ZNF385D: variants seen among roughly 807,000 people sequenced by gnomAD.
ZNF385D encodes the protein zinc finger protein 385D.
In ZNF385D, 15 loss-of-function variants were observed where a neutral mutation model predicts 35.8. That is an observed-to-expected ratio of 0.42 (90% CI 0.28 to 0.64). The LOEUF is 0.64. Ranked by LOEUF, ZNF385D falls within the 30% of genes least tolerant of loss-of-function variation. ZNF385D has a pLI of 0.23. For missense variants in ZNF385D, 474 were observed against 494.6 expected (o/e 0.96, Z 0.39); for synonymous variants, 212 against 186.8 (o/e 1.13, Z -1.10).
intron 3 of ZNF385D, among the ~76,000 whole-genome samples, chr3:21,829,886 G>A (rs796571000): frequency 5.9e-5 from 9 of 152,180 alleles, no homozygotes; most frequent in African/African-American, 1.9e-4. Context: ...CACTTTGGGA[G>A]GTCGAGGCAG....
intron 3 of ZNF385D, among the ~76,000 whole-genome samples, chr3:21,531,088 G>T (rs1418309728): frequency 2.0e-5 from 3 of 152,094 alleles, no homozygotes; most frequent in African/African-American, 7.2e-5. Context: ...TTACTGCCCA[G>T]GAATCTGTTA....
intron 2 of ZNF385D, among the ~76,000 whole-genome samples, chr3:22,278,767 T>C (rs576740720): frequency 9.9e-5 from 15 of 152,274 alleles, no homozygotes; most frequent in Non-Finnish European, 1.9e-4. Context: ...AAAGATGCAA[T>C]TGAAGTATTC....
intron 3 of ZNF385D, among the ~76,000 whole-genome samples, chr3:21,775,169 C>T (rs764766934): frequency 5.9e-5 from 9 of 151,828 alleles, no homozygotes; most frequent in Non-Finnish European, 1.2e-4. Flanking sequence ...CATGGAAAAT[C>T]AAGTAAATTC....
intron 3 of ZNF385D, among the ~76,000 whole-genome samples, chr3:21,980,163 C>T (rs1463274126): frequency 6.6e-6 from 1 of 152,152 alleles, no homozygotes; most frequent in East Asian, 1.9e-4. Context: ...ACTAAGACCT[C>T]TTGCCAACAA....
intron 2 of ZNF385D, among the ~76,000 whole-genome samples, chr3:22,301,621 C>T (rs908239298): frequency 2.6e-5 from 4 of 151,826 alleles, no homozygotes; most frequent in South Asian, 2.1e-4. Context: ...CATACAAAAA[C>T]GGTAAAGAAA....
chr3:21,424,004 T>G lies in ZNF385D; in HGVS notation c.913A>C (p.Ser305Arg). 6.2e-7 allele frequency: 1 copy of G among 1,607,662 alleles called. No individual in the cohort carries two copies. The highest frequency in any genetic ancestry group is 2.3e-5 in the East Asian group (1 of 44,078). ...GTCTTCTGTAGTTTGTTGTAAGGAC[T>G]GTATTTAGGTTTCGGGGGCTTCCCA... ...AAGKPPKPKY[S>R]PYNKLQKTAH... The change falls in exon 7 of 8, where the codon AGT becomes CGT. Residue 305 changes from serine to arginine, a missense_variant. Coordinates refer to ENST00000281523, the MANE Select transcript of ZNF385D (RefSeq NM_024697.3).
At chr3:21,983,239 G>C (rs536912500) in intron 3 of ZNF385D, among the ~76,000 whole-genome samples, 3 of 142,906 alleles carry the variant, frequency 2.1e-5, no homozygotes, top group South Asian at 2.3e-4. Context: ...ATGTATACAT[G>C]TGCCATGCTG....
At chr3:21,910,751 A>C (rs1318815006) in intron 3 of ZNF385D, among the ~76,000 whole-genome samples, 1 of 151,710 alleles carries the variant, frequency 6.6e-6, no homozygotes, top group East Asian at 1.9e-4. Flanking sequence ...TTTATTGGAG[A>C]AGGCAGGACG....
At chr3:21,918,933 T>C (rs1700323089) in intron 3 of ZNF385D, among the ~76,000 whole-genome samples, 1 of 152,198 alleles carries the variant, frequency 6.6e-6, no homozygotes, top group African/African-American at 2.4e-5. Flanking sequence ...TTGCCCTAGA[T>C]CCCAACTTCT....
At chr3:22,343,335 A>G (rs1695507729) in intron 2 of ZNF385D, among the ~76,000 whole-genome samples, 2 of 152,212 alleles carry the variant, frequency 1.3e-5, no homozygotes, top group Non-Finnish European at 2.9e-5. Context: ...TCTACTGTGG[A>G]AGCCAAAGGT....
At chr3:21,534,434 G>A in intron 3 of ZNF385D, among the ~76,000 whole-genome samples, 1 of 151,828 alleles carries the variant, frequency 6.6e-6, no homozygotes, top group Non-Finnish European at 1.5e-5. Flanking sequence ...TCAACCAAAG[G>A]TGGTTCAGTT....
rs372598279 is a variant in ZNF385D, at chr3:22,303,318, T to C, written c.106+69132A>G. Among the ~76,000 whole-genome samples the C allele has an allele frequency of 1.7e-4, 26 of 152,266 alleles. No homozygotes were observed. The East Asian group carries it at 3.9e-3, about 23-fold the overall frequency. On this transcript the variant is annotated intron_variant, in intron 2 of 5. Coordinates refer to the ZNF385D transcript ENST00000494108. Reference sequence around the variant, plus strand: ...TCCCATCTTGCACATAGGCTGGGTCTTGTCTCCTGCCACTACTCTTCTCAT... The same window carrying C: ...TCCCATCTTGCACATAGGCTGGGTCCTGTCTCCTGCCACTACTCTTCTCAT...
chr3:21,924,520 G>A (rs1318523816), intron 3 of ZNF385D, among the ~76,000 whole-genome samples: 1 of 152,070 alleles, frequency 6.6e-6, no homozygotes, highest in Non-Finnish European at 1.5e-5. Flanking sequence ...AAAAATTGTG[G>A]CCCCAACACC....
intron 3 of ZNF385D, among the ~76,000 whole-genome samples, chr3:22,116,997 A>G (rs979752525): frequency 6.6e-6 from 1 of 151,994 alleles, no homozygotes; most frequent in African/African-American, 2.4e-5. Flanking sequence ...AATTAGGAAA[A>G]TAGCTTAGGA....
At chr3:21,912,337 T>G (rs1297520499) in intron 3 of ZNF385D, among the ~76,000 whole-genome samples, 1 of 152,058 alleles carries the variant, frequency 6.6e-6, no homozygotes, top group Non-Finnish European at 1.5e-5. Flanking sequence ...CATCAATAAA[T>G]TTTTCTAGTG....
chr3:21,965,305 A>G (rs891153978), intron 3 of ZNF385D, among the ~76,000 whole-genome samples: 5 of 152,208 alleles, frequency 3.3e-5, no homozygotes, highest in Non-Finnish European at 7.4e-5. Context: ...ACATATTGGT[A>G]TGTGTCTACT....
intron 2 of ZNF385D, among the ~76,000 whole-genome samples, chr3:22,291,418 CATTA>C (rs547128953): frequency 1.2e-4 from 18 of 152,118 alleles, no homozygotes; most frequent in East Asian, 3.9e-4. Flanking sequence ...TTTCAAGGTA[CATTA>C]ATTAATAGTA....
chr3:22,080,672 G>C (rs75810002), intron 3 of ZNF385D, among the ~76,000 whole-genome samples: 17,009 of 151,924 alleles, frequency 0.11, 1,182 homozygotes, highest in Admixed American at 0.19. Flanking sequence ...GCTATATTCT[G>C]AATGTTTTTT....
At chr3:21,890,668 C>T (rs757438482) in intron 3 of ZNF385D, among the ~76,000 whole-genome samples, 5 of 151,964 alleles carry the variant, frequency 3.3e-5, no homozygotes, top group East Asian at 1.9e-4. Flanking sequence ...AGGTAAGTTA[C>T]GGTGACACAG....
Sources: gnomAD v4.1 joint callset for allele counts (sites outside exome capture counted in the v4.1 genomes callset) on GRCh38, gnomAD v4.1.1 for gene constraint, MANE v1.5 for transcripts, NCBI Gene and HGNC (gene_info 2026-07-23, HGNC 2026-07-21) for gene names.